The following SLC17A4 variants were observed in gnomAD, a reference collection of about 807,000 sequenced individuals.
The protein encoded by SLC17A4 is probable small intestine urate exporter.
In SLC17A4, 33 loss-of-function variants were observed where a neutral mutation model predicts 52.5. The ratio of observed to expected loss-of-function variants is 0.63; its 90% confidence interval spans 0.48 to 0.84. The LOEUF (loss-of-function observed/expected upper bound fraction) is 0.84. SLC17A4 is among the 40% of genes least tolerant of loss of function. The pLI is 0.00. For synonymous variants in SLC17A4, 225 were observed against 216.2 expected, an observed-to-expected ratio of 1.04 and a Z score of -0.36; for missense variants, 585 against 597.1, an observed-to-expected ratio of 0.98 and a Z score of 0.21.
chr6:25,774,859 C>G (rs996141723), intron 8 of SLC17A4, among the ~76,000 whole-genome samples: 17 of 152,212 alleles, frequency 1.1e-4, no homozygotes, highest in African/African-American at 3.9e-4. Context: ...ACCTTGACAG[C>G]CTCGGCTTAC....
chr6:25,781,012 C>T lies in SLC17A4; in HGVS notation c.*1824C>T, dbSNP rs1763254558. Reference sequence around the variant, plus strand: ...ATGACTCTGGATTTCTCTTGTGAGACCTGGGCTCCATTTACAAACGTATAA... The same window carrying T: ...ATGACTCTGGATTTCTCTTGTGAGATCTGGGCTCCATTTACAAACGTATAA... On this transcript the variant is annotated 3_prime_UTR_variant, in exon 12 of 12. Coordinates refer to ENST00000377905, the MANE Select transcript of SLC17A4 (RefSeq NM_005495.3). 1 of 152,038 alleles carries T rather than the reference C, an allele frequency of 6.6e-6. No homozygotes were observed. The highest frequency in any genetic ancestry group is 1.5e-5 in the Non-Finnish European group (1 of 68,012). 9.4% of individuals were successfully genotyped at this position (152,038 alleles called of 1,614,324 possible). A position where few individuals can be genotyped will look rare whatever the true frequency, so the allele number is the denominator to read the frequency against.
Position 25,765,025 on chromosome 6 carries a change from A to T in SLC17A4, c.91+2972A>T, listed in dbSNP as rs1314328412. On this transcript the variant is annotated intron_variant, in intron 2 of 11. Coordinates refer to ENST00000377905, the MANE Select transcript of SLC17A4 (RefSeq NM_005495.3). ...CCAGCCCACCCACATACACCACCAC[A>T]TTATAGCTGGGCCTCAAACCAGCAT... Among the ~76,000 whole-genome samples the T allele has an allele frequency of 2.6e-5, 4 of 152,192 alleles. No homozygotes were observed. The East Asian group carries it at 7.7e-4, about 29-fold the overall frequency.
intron 8 of SLC17A4, 86 bp from the exon 9 acceptor site, chr6:25,776,509 C>T: frequency 2.7e-6 from 4 of 1,488,226 alleles, no homozygotes; most frequent in Non-Finnish European, 3.6e-6. Flanking sequence ...AGAAAAGCCA[C>T]AAATGTGGAC....
At chr6:25,775,638 G>C (rs1407920674) in intron 8 of SLC17A4, among the ~76,000 whole-genome samples, 1 of 151,960 alleles carries the variant, frequency 6.6e-6, no homozygotes, top group South Asian at 2.1e-4. Flanking sequence ...ATATTGGCTA[G>C]GCTGGTCTCG....
At position 25,776,546 on chromosome 6, in the gene SLC17A4, G is replaced by T. The variant is rs200885615; in HGVS notation, c.988-49G>T. ...GTCTGTCCAAGGTTGTCTGTGTCGT[G>T]GTGGGGGTGGTAAGGGCACATGCAC... On this transcript the variant is annotated intron_variant, in intron 8 of 11. Coordinates refer to ENST00000377905, the MANE Select transcript of SLC17A4 (RefSeq NM_005495.3). 3.7e-5 allele frequency: 57 copies of T among 1,548,994 alleles called. No homozygotes were observed. The East Asian group carries it at 1.2e-3, about 32-fold the overall frequency.
At position 25,770,011 on chromosome 6, in the gene SLC17A4, A is replaced by G. The variant is rs2328893; in HGVS notation, c.298-56A>G. ...AATTTTTGCCTCTCAAGTCCTCACA[A>G]TGAAAACTGTCAATCCTTCAACTAA... On this transcript the variant is annotated intron_variant, in intron 3 of 11. Coordinates refer to ENST00000377905, the MANE Select transcript of SLC17A4 (RefSeq NM_005495.3). 1,060,981 of 1,547,218 alleles carry G rather than the reference A, an allele frequency of 0.69. 374,704 individuals are homozygous for G. The highest frequency in any genetic ancestry group is 0.84 in the East Asian group (37,097 of 44,318).
chr6:25,757,623 C>T (rs1761137370), intron 1 of SLC17A4, among the ~76,000 whole-genome samples: 1 of 152,124 alleles, frequency 6.6e-6, no homozygotes, highest in South Asian at 2.1e-4. Context: ...TGATCCCTTT[C>T]TCTGTCAGCA....
chr6:25,770,375 T>G lies in SLC17A4; in HGVS notation c.532-9T>G, dbSNP rs779144350. 1.9e-6 allele frequency: 3 copies of G among 1,614,024 alleles called. No homozygotes were observed. Among genetic ancestry groups the G allele is most frequent in the Non-Finnish European group, 2.5e-6 (3 of 1,179,936 alleles). On this transcript the variant is annotated splice_polypyrimidine_tract_variant and intron_variant, in intron 4 of 11. Transcript: ENST00000377905. ...CTCAGATCTCCAAGAATGGAATTTT[T>G]CCCCCCAGGTTATGGTATTAACTGG...
At chr6:25,775,579 G>A (rs867742472) in intron 8 of SLC17A4, among the ~76,000 whole-genome samples, 2 of 152,058 alleles carry the variant, frequency 1.3e-5, no homozygotes, top group East Asian at 2.0e-4. Flanking sequence ...GGGACCACAG[G>A]CGTGTACCAC....
chr6:25,756,181 G>A (rs549704944), intron 1 of SLC17A4, among the ~76,000 whole-genome samples: 54 of 152,148 alleles, frequency 3.5e-4, no homozygotes, highest in African/African-American at 1.2e-3. Flanking sequence ...TTGGGAGATC[G>A]AGACCATCCT....
At chr6:25,776,569 C>A in intron 8 of SLC17A4, 26 bp from the exon 9 acceptor site, 1 of 1,578,618 alleles carries the variant, frequency 6.3e-7, no homozygotes. Flanking sequence ...AGGGCACATG[C>A]ACCTGACCTA....
rs762946402 is a variant in SLC17A4 at position 25,779,105 on chromosome 6, A to G, written c.1411A>G (p.Ile471Val). ...NVFLLSAAVN[I>V]SGLVFYLIFG... is the part of the protein sequence containing the mutation. ...CTTCTTGCTTTCAGCTGCTGTTAAC[A>G]TATCGGGCCTGGTTTTCTACCTCAT... Residue 471 changes from isoleucine to valine, a missense_variant, in exon 12 of 12, where the codon ATA becomes GTA. Transcript: ENST00000377905. 11 of 1,613,778 alleles carry G rather than the reference A, an allele frequency of 6.8e-6. No individual in the cohort carries two copies. Among genetic ancestry groups the G allele is most frequent in the African/African-American group, 1.3e-5 (1 of 74,906 alleles).
Position 25,779,215 on chromosome 6 carries a change from G to C in SLC17A4, c.*27G>C. 1.2e-6 allele frequency: 2 copies of C among 1,611,114 alleles called. No homozygotes were observed. The highest frequency in any genetic ancestry group is 1.7e-6 in the Non-Finnish European group (2 of 1,178,478). On this transcript the variant is annotated 3_prime_UTR_variant, in exon 12 of 12. Transcript: ENST00000377905. ...CAAACCGAGAGATGTGCTAGATCCT[G>C]GTGCTTAGTTCATCATTGTTTTCCC... is the stretch of plus-strand genomic sequence containing the variant.
At chr6:25,771,066 A>G (rs1762442275) in intron 6 of SLC17A4, 54 bp downstream of exon 6, 1 of 1,425,674 alleles carries the variant, frequency 7.0e-7, no homozygotes, top group Non-Finnish European at 9.9e-7. Context: ...CTGTGATGCA[A>G]TTTATCTATG....
Position 25,773,693 on chromosome 6 carries a change from C to T in SLC17A4, c.987+19C>T. The T allele has an allele frequency of 6.2e-7, 1 of 1,608,004 alleles. No individual in the cohort carries two copies. The highest frequency in any genetic ancestry group is 8.5e-7 in the Non-Finnish European group (1 of 1,177,064). ...CAGAGATGTAAGTACAGAGAAAGCT[C>T]ATTCTGATCTTCTGTTTAAATGCTT... is the stretch of plus-strand genomic sequence containing the variant. On this transcript the variant is annotated intron_variant, in intron 8 of 11. Transcript: ENST00000377905.
In SLC17A4 at chr6:25,762,037, G is replaced by A; in HGVS notation, c.75G>A (p.Glu25=). 1 of 1,613,522 alleles carries A rather than the reference G, an allele frequency of 6.2e-7. No individual in the cohort carries two copies. The highest frequency in any genetic ancestry group is 8.5e-7 in the Non-Finnish European group (1 of 1,179,684). Residue 25 remains glutamate (E), a synonymous_variant, in exon 2 of 12, where the codon GAG becomes GAA. Transcript: ENST00000377905. Reference sequence around the variant, plus strand: ...ATGGCAATTTAAACGTGGCTCAAGAGGAATGCTCCAGGAAAGGTAAAATCA... The same window carrying A: ...ATGGCAATTTAAACGTGGCTCAAGAAGAATGCTCCAGGAAAGGTAAAATCA... The part of the protein sequence containing the change: ...SSDGNLNVAQ[E]ECSRKGFCSV...
At position 25,758,743 on chromosome 6, in the gene SLC17A4, T is replaced by G. The variant is rs1256733151; in HGVS notation, c.-36-3184T>G. ...TTATTTATCTTTTCAAAGAACCAGCTTTTTTGTTTCATTTATCTTTTGTAT... is the reference window on the plus strand; with the variant it reads ...TTATTTATCTTTTCAAAGAACCAGCGTTTTTGTTTCATTTATCTTTTGTAT... On this transcript the variant is annotated intron_variant, in intron 1 of 11. Coordinates refer to ENST00000377905, the MANE Select transcript of SLC17A4 (RefSeq NM_005495.3). Among the ~76,000 whole-genome samples, 9 of 8,030 alleles carry G rather than the reference T, an allele frequency of 1.1e-3. No individual in the cohort carries two copies. The Admixed American group carries it at 0.032, about 29-fold the overall frequency. The allele number at this position is 8,030 out of a possible 152,430, so 5.3% of individuals were successfully genotyped here. A position where few individuals can be genotyped will look rare whatever the true frequency, so the allele number is the denominator to read the frequency against.
At chr6:25,771,053 C>T in intron 6 of SLC17A4, 41 bp downstream of exon 6, 1 of 1,462,670 alleles carries the variant, frequency 6.8e-7, no homozygotes, top group East Asian at 2.3e-5. Flanking sequence ...ATGACAGAGA[C>T]TTCTGTGATG....
At chr6:25,770,529 C>T (rs1478792433) in intron 5 of SLC17A4, 58 bp downstream of exon 5, 1 of 1,498,756 alleles carries the variant, frequency 6.7e-7, no homozygotes, top group Non-Finnish European at 9.3e-7. Context: ...TCAGCAAAGT[C>T]CTGCCAACAG....
Sources: gnomAD v4.1 joint callset for allele counts (sites outside exome capture counted in the v4.1 genomes callset) on GRCh38, gnomAD v4.1.1 for gene constraint, MANE v1.5 for transcripts, NCBI Gene and HGNC (gene_info 2026-07-23, HGNC 2026-07-21) for gene names.